Variants in PGS1 observed in about 807,000 individuals in gnomAD.
PGS1 encodes CDP-diacylglycerol--glycerol-3-phosphate 3-phosphatidyltransferase, mitochondrial.
A neutral mutation model predicts 58.3 loss-of-function variants in PGS1; 44 were observed. The observed-to-expected ratio is 0.75, with a 90% CI of 0.59 to 0.97. PGS1 has a LOEUF of 0.97. Ranked by LOEUF, PGS1 falls within the 50% of genes least tolerant of loss-of-function variation. The probability of loss-of-function intolerance (pLI) is 0.00; values close to 1 mark genes in which losing one functional copy is unlikely to be tolerated. For missense variants in PGS1, 684 were observed against 731.1 expected, an observed-to-expected ratio of 0.94 and a Z score of 0.74; for synonymous variants, 330 against 311.0, an observed-to-expected ratio of 1.06 and a Z score of -0.64.
chr17:78,415,181 AG>A (rs1568000387), intron 8 of PGS1, among the ~76,000 whole-genome samples, 154 bp downstream of exon 8: 1 of 152,232 alleles, frequency 6.6e-6, no homozygotes, highest in African/African-American at 2.4e-5. Context: ...CCAAGAGTGC[AG>A]TGATGGGTGG....
intron 1 of PGS1, among the ~76,000 whole-genome samples, chr17:78,388,459 G>C (rs2082566447): frequency 1.3e-5 from 2 of 151,916 alleles, no homozygotes; most frequent in Admixed American, 6.6e-5. Flanking sequence ...TCAATCTCCC[G>C]AGTAGCTGGG....
At chr17:78,409,285 A>G (rs1226984796) in intron 7 of PGS1, among the ~76,000 whole-genome samples, 2 of 152,228 alleles carry the variant, frequency 1.3e-5, no homozygotes, top group African/African-American at 4.8e-5. Context: ...GTTGACTTCC[A>G]TTTCTTCTGG....
chr17:78,406,945 C>T (rs145463360), intron 7 of PGS1, among the ~76,000 whole-genome samples: 3 of 152,340 alleles, frequency 2.0e-5, no homozygotes, highest in East Asian at 1.9e-4. Context: ...CTTTGATAAA[C>T]GTGAGCTGAC....
chr17:78,398,419 T>A, intron 4 of PGS1, 68 bp downstream of exon 4: 1 of 1,030,600 alleles, frequency 9.7e-7, no homozygotes, highest in Non-Finnish European at 1.5e-6. Context: ...GAGGGGTTAC[T>A]GTCACCCCCT....
intron 9 of PGS1, chr17:78,423,834 T>G: frequency 6.4e-7 from 1 of 1,565,560 alleles, no homozygotes; most frequent in Non-Finnish European, 8.7e-7. Context: ...AAAGAATAAG[T>G]CACAGGTGCA....
At chr17:78,385,631 G>A (rs1323544252) in intron 1 of PGS1, among the ~76,000 whole-genome samples, 1 of 152,146 alleles carries the variant, frequency 6.6e-6, no homozygotes, top group Non-Finnish European at 1.5e-5. Context: ...CACTGTGTTG[G>A]CCAGGCTGGT....
chr17:78,407,093 T>C (rs891580589), intron 7 of PGS1, among the ~76,000 whole-genome samples: 7 of 152,064 alleles, frequency 4.6e-5, no homozygotes, highest in Non-Finnish European at 1.0e-4. Flanking sequence ...GGGGGTGCCC[T>C]GCAACCCAGG....
chr17:78,393,281 C>T (rs535642052), intron 2 of PGS1, among the ~76,000 whole-genome samples: 5 of 151,246 alleles, frequency 3.3e-5, no homozygotes, highest in South Asian at 2.1e-4. Context: ...AGGATGGTCT[C>T]GATCTCCTGA....
intron 7 of PGS1, among the ~76,000 whole-genome samples, chr17:78,409,525 C>A (rs542204150): frequency 6.6e-6 from 1 of 152,356 alleles, no homozygotes; most frequent in African/African-American, 2.4e-5. Flanking sequence ...AGGCGGCTCT[C>A]CCCTGGGCAC....
chr17:78,401,494 G>C (rs2083658818), intron 6 of PGS1, among the ~76,000 whole-genome samples: 2 of 152,204 alleles, frequency 1.3e-5, no homozygotes, highest in Admixed American at 6.5e-5. Context: ...GCATTCCTGT[G>C]ATTCCTGCGG....
At chr17:78,422,022 G>A (rs2085839064) in intron 9 of PGS1, 1 of 152,222 alleles carries the variant, frequency 6.6e-6, no homozygotes, top group Admixed American at 6.5e-5. Context: ...TTCTTGGAAA[G>A]TTTAGAGATA....
Position 78,378,678 on chromosome 17 carries a change from G to A in PGS1, c.13G>A (p.Ala5Thr). The change falls in exon 1 of 10, where the codon GCG (alanine) becomes ACG (threonine). Residue 5 changes from alanine (A) to threonine (T), a missense_variant. Ala to Thr is a moderately conservative substitution (Grantham distance 58). Coordinates refer to ENST00000262764, the MANE Select transcript of PGS1 (RefSeq NM_024419.5). MAVA[A>T]AAAAGPVFWR... ...GCGGCGAGTCTCCATGGCGGTGGCG[G>A]CGGCAGCTGCGGCGGGACCCGTGTT... The A allele has an allele frequency of 1.3e-6, 2 of 1,532,098 alleles. No individual in the cohort carries two copies. The highest frequency in any genetic ancestry group is 8.7e-7 in the Non-Finnish European group (1 of 1,146,648). The allele number at this position is 1,532,098 out of a possible 1,614,324, so 94.9% of individuals were successfully genotyped here.
chr17:78,419,422 C>A, intron 8 of PGS1, 124 bp from the exon 9 acceptor site: 3 of 810,328 alleles, frequency 3.7e-6, no homozygotes, highest in Non-Finnish European at 4.2e-6. Context: ...AATCTCTGGG[C>A]CAGGTAGACA....
At chr17:78,409,452 G>A (rs1397736537) in intron 7 of PGS1, among the ~76,000 whole-genome samples, 1 of 152,264 alleles carries the variant, frequency 6.6e-6, no homozygotes, top group African/African-American at 2.4e-5. Flanking sequence ...TTGGCGTTCT[G>A]CCCAAAGGTG....
chr17:78,423,105 G>GAAAAA (rs11449829), intron 9 of PGS1, among the ~76,000 whole-genome samples: 1 of 137,506 alleles, frequency 7.3e-6, no homozygotes, highest in African/African-American at 2.8e-5. Context: ...ACTCTCCCTC[G>GAAAAA]AAAAAAAAAA....
intron 8 of PGS1, among the ~76,000 whole-genome samples, chr17:78,419,189 T>C (rs772304921): frequency 1.3e-5 from 2 of 152,150 alleles, no homozygotes; most frequent in Non-Finnish European, 2.9e-5. Flanking sequence ...TAGAATTTTT[T>C]CATAGAGATG....
chr17:78,401,798 C>G (rs1567971710), intron 6 of PGS1, among the ~76,000 whole-genome samples: 1 of 152,250 alleles, frequency 6.6e-6, no homozygotes, highest in African/African-American at 2.4e-5. Context: ...CTCTGTATCT[C>G]TCTTGCTGAG....
At chr17:78,384,319 G>A (rs1378008139) in intron 1 of PGS1, among the ~76,000 whole-genome samples, 3 of 152,138 alleles carry the variant, frequency 2.0e-5, no homozygotes, top group African/African-American at 7.2e-5. Context: ...AGTCAGGAAG[G>A]GCCGCCTGCT....
chr17:78,423,216 G>A (rs1043362601), intron 9 of PGS1, among the ~76,000 whole-genome samples: 5 of 151,748 alleles, frequency 3.3e-5, no homozygotes, highest in Admixed American at 2.0e-4. Flanking sequence ...CTCTCCCCTC[G>A]TGCCTGCACC....
Sources: allele counts gnomAD v4.1 joint callset (sites outside exome capture counted in the v4.1 genomes callset), GRCh38; gene constraint gnomAD v4.1.1; transcripts MANE v1.5; gene names NCBI Gene and HGNC (gene_info 2026-07-23, HGNC 2026-07-21).